NAA60: variants seen among roughly 807,000 people sequenced by gnomAD.
NAA60 encodes the protein N-alpha-acetyltransferase 60, NatF catalytic subunit, also known as N-alpha-acetyltransferase 60.
Under a neutral mutation model 26.1 loss-of-function variants are expected in NAA60, and 8 were observed. The ratio of observed to expected loss-of-function variants is 0.31; its 90% CI spans 0.18 to 0.55. The LOEUF is 0.55. Among genes scored for constraint, NAA60 ranks in the 20% least tolerant of loss-of-function variants. The pLI is 0.93. For synonymous variants in NAA60, 131 were observed against 122.5 expected (o/e 1.07, Z -0.46); for missense variants, 290 against 311.3 (o/e 0.93, Z 0.51).
intron 2 of NAA60, among the ~76,000 whole-genome samples, chr16:3,449,159 G>A (rs200021960): frequency 2.0e-5 from 3 of 152,114 alleles, no homozygotes; most frequent in East Asian, 1.9e-4. Flanking sequence ...GATCTCTGGA[G>A]GTCAGGAGTT....
intron 2 of NAA60, chr16:3,458,057 G>C (rs1285468807): frequency 3.0e-6 from 3 of 985,202 alleles, no homozygotes; most frequent in Non-Finnish European, 1.2e-6. Flanking sequence ...CTCCGTCCCG[G>C]CTGCGGCCCC....
intron 1 of NAA60, among the ~76,000 whole-genome samples, chr16:3,446,846 A>G (rs569152752): frequency 1.2e-3 from 175 of 151,440 alleles, no homozygotes; most frequent in African/African-American, 3.9e-3. Flanking sequence ...CCTGGCCTCA[A>G]GTGATCCGCC....
intron 4 of NAA60, among the ~76,000 whole-genome samples, chr16:3,480,318 C>T (rs1016056000): frequency 6.6e-5 from 10 of 152,080 alleles, no homozygotes; most frequent in South Asian, 2.1e-4. Flanking sequence ...GAGAAGGGGC[C>T]GGGCGCAGTG....
chr16:3,474,870 C>T (rs186967137), intron 2 of NAA60, among the ~76,000 whole-genome samples: 4 of 152,328 alleles, frequency 2.6e-5, no homozygotes, highest in South Asian at 2.1e-4. Flanking sequence ...CTTTCCTCAA[C>T]GCTGAGATGA....
chr16:3,448,072 G>A (rs967937177), intron 1 of NAA60, among the ~76,000 whole-genome samples: 6 of 152,188 alleles, frequency 3.9e-5, no homozygotes, highest in Middle Eastern at 3.4e-3. Flanking sequence ...GTAGTAAGAG[G>A]TACAGAGAAT....
At chr16:3,457,915 C>T in intron 2 of NAA60, 1 of 405,720 alleles carries the variant, frequency 2.5e-6, no homozygotes, top group Non-Finnish European at 2.8e-6. Context: ...CTGCCCGCTC[C>T]CAACCTGCCC....
At chr16:3,485,307 C>G in intron 7 of NAA60, 160 bp from the exon 8 acceptor site, 2 of 530,882 alleles carry the variant, frequency 3.8e-6, no homozygotes, top group Non-Finnish European at 7.2e-6. Context: ...GTGTGGGGAC[C>G]GAGAGGCGCC....
At chr16:3,482,627 G>A (rs1306551956) in intron 5 of NAA60, 29 bp downstream of exon 5, 5 of 1,517,220 alleles carry the variant, frequency 3.3e-6, no homozygotes, top group East Asian at 2.4e-5. Flanking sequence ...GCGGCTTGGC[G>A]CCCACCCCAC....
chr16:3,481,206 A>T (rs964674435), intron 4 of NAA60, among the ~76,000 whole-genome samples: 2 of 151,334 alleles, frequency 1.3e-5, no homozygotes, highest in Middle Eastern at 3.4e-3. Context: ...GCTCACTGCA[A>T]CCTCCGCCTC....
rs1341397740 is a variant in NAA60 at position 3,484,738 on chromosome 16, G to T, written c.612G>T (p.Leu204=). The T allele has an allele frequency of 3.8e-6, 6 of 1,596,252 alleles. No homozygotes were observed. Among genetic ancestry groups the T allele is most frequent in the Middle Eastern group, 1.7e-4 (1 of 6,046 alleles). ...IQHLGSALAS[L]SPCSIPHRVY... is the part of the protein sequence containing the mutation. ...ACCTGGGCTCTGCACTAGCCAGCCT[G>T]AGCCCCTGCTCCATTCCGCACAGAG... Residue 204 remains leucine (L), a synonymous_variant, in exon 7 of 8, where the codon CTG becomes CTT. Coordinates refer to ENST00000407558, the MANE Select transcript of NAA60 (RefSeq NM_001083601.3).
At chr16:3,479,290 A>C (rs539377151) in intron 3 of NAA60, among the ~76,000 whole-genome samples, 181 bp from the exon 4 acceptor site, 44 of 152,312 alleles carry the variant, frequency 2.9e-4, no homozygotes, top group Non-Finnish European at 5.1e-4. Context: ...TAGACAGATC[A>C]CTGCTTTAAG....
intron 1 of NAA60, chr16:3,444,039 C>A: frequency 9.5e-7 from 1 of 1,054,626 alleles, no homozygotes; most frequent in Non-Finnish European, 1.2e-6. Context: ...TTGCTGGACT[C>A]TGACTCAAAG....
chr16:3,448,519 G>C lies in NAA60; in HGVS notation c.-28G>C. On this transcript the variant is annotated 5_prime_UTR_variant, in exon 2 of 8. Coordinates refer to ENST00000407558, the MANE Select transcript of NAA60 (RefSeq NM_001083601.3). ...GGAAGGAAGTGCGGAGCCAGCCTGA[G>C]TTGGGAGAAGAGCTCCAGAGAGTGA... is the stretch of plus-strand genomic sequence containing the variant. 1.3e-6 allele frequency: 2 copies of C among 1,535,660 alleles called. No homozygotes were observed. The highest frequency in any genetic ancestry group is 1.2e-5 in the South Asian group (1 of 84,060).
chr16:3,446,559 GA>G (rs201391169), intron 1 of NAA60, among the ~76,000 whole-genome samples: 1 of 148,304 alleles, frequency 6.7e-6, no homozygotes, highest in Non-Finnish European at 1.5e-5. Context: ...AAATACAGGG[GA>G]AAAAATGGCA....
At chr16:3,466,761 G>T (rs1001092856) in intron 2 of NAA60, among the ~76,000 whole-genome samples, 1 of 152,178 alleles carries the variant, frequency 6.6e-6, no homozygotes, top group African/African-American at 2.4e-5. Flanking sequence ...AAGGTGGCCC[G>T]AGAGGGAGAT....
At chr16:3,450,639 G>C (rs1283589188) in intron 2 of NAA60, among the ~76,000 whole-genome samples, 3 of 142,670 alleles carry the variant, frequency 2.1e-5, no homozygotes, top group Non-Finnish European at 4.5e-5. Flanking sequence ...GGCGGAGTTT[G>C]CAGTGAGCCG....
At chr16:3,485,163 G>A (rs563824507) in intron 7 of NAA60, 102 bp downstream of exon 7, 64 of 771,442 alleles carry the variant, frequency 8.3e-5, no homozygotes, top group African/African-American at 5.6e-4. Context: ...GGAAGGGGCC[G>A]TGGGGACTGC....
intron 4 of NAA60, among the ~76,000 whole-genome samples, chr16:3,481,224 G>A (rs182033667): frequency 6.6e-6 from 1 of 152,104 alleles, no homozygotes; most frequent in East Asian, 1.9e-4. Flanking sequence ...CTCTCAAGTA[G>A]GATTTTAGAC....
chr16:3,481,892 A>G (rs1356960829), intron 4 of NAA60, among the ~76,000 whole-genome samples: 1 of 152,156 alleles, frequency 6.6e-6, no homozygotes, highest in Non-Finnish European at 1.5e-5. Flanking sequence ...ACGAGTTGGA[A>G]GATGATAAGA....
Sources: gnomAD v4.1 joint callset for allele counts (sites outside exome capture counted in the v4.1 genomes callset) on GRCh38, gnomAD v4.1.1 for gene constraint, MANE v1.5 for transcripts, NCBI Gene and HGNC (gene_info 2026-07-23, HGNC 2026-07-21) for gene names.